STK10: variants seen among roughly 807,000 people sequenced by gnomAD.
STK10 encodes serine/threonine-protein kinase 10.
In STK10, 78 loss-of-function variants were observed where a neutral mutation model predicts 113.8. That is an observed-to-expected ratio of 0.69 (90% CI 0.57 to 0.83). The LOEUF is 0.83. STK10 is among the 40% of genes least tolerant of loss of function. The pLI, the probability that STK10 is intolerant of heterozygous loss-of-function variation, is 0.00. For synonymous variants in STK10, 465 were observed against 494.7 expected, an observed-to-expected ratio of 0.94 and a Z score of 0.80; for missense variants, 1,109 against 1,280.1, an observed-to-expected ratio of 0.87 and a Z score of 2.04.
chr5:172,122,810 A>G (rs1004174637), intron 3 of STK10, among the ~76,000 whole-genome samples: 6 of 152,142 alleles, frequency 3.9e-5, no homozygotes, highest in African/African-American at 1.4e-4. Flanking sequence ...TTTTCAGTAG[A>G]GACGAGGTTT....
chr5:172,117,533 TCG>T lies in STK10; in HGVS notation c.466_467del (p.Asp157SerfsTer18). 6.2e-7 allele frequency: 1 copy of T among 1,613,500 alleles called. No individual in the cohort carries two copies. The highest frequency in any genetic ancestry group is 1.1e-5 in the South Asian group (1 of 91,030). ...TCAGCACGTTGCCAGCTTTCAGATC[TCG>T]GTGGATGATCCTCTTGCTGTGCAGG... Reference protein sequence around the residue: ...NFLHSKRIIHRDLKAGNVLMT... With the variant: ...NFLHSKRIIHXDLKAGNVLMT... On this transcript the variant is annotated frameshift_variant, in exon 4 of 19. Transcript: ENST00000176763. LOFTEE classifies it high-confidence loss of function.
chr5:172,159,913 G>T (rs945774824), intron 1 of STK10, among the ~76,000 whole-genome samples: 1 of 150,114 alleles, frequency 6.7e-6, no homozygotes, highest in Admixed American at 6.6e-5. Context: ...CAAGGTGGGC[G>T]GATCACAAGG....
chr5:172,114,111 CAGA>C (rs1444510490), intron 4 of STK10, among the ~76,000 whole-genome samples: 1 of 151,992 alleles, frequency 6.6e-6, no homozygotes, highest in Non-Finnish European at 1.5e-5. Context: ...AAGTAATGCA[CAGA>C]AGGTCACCCA....
chr5:172,099,472 CAG>C (rs939222375), intron 7 of STK10, among the ~76,000 whole-genome samples: 18 of 152,178 alleles, frequency 1.2e-4, no homozygotes, highest in Non-Finnish European at 2.9e-5. Flanking sequence ...ACCCGGGAGG[CAG>C]AGGTTACAGT....
chr5:172,109,346 C>G (rs570623739), intron 4 of STK10, among the ~76,000 whole-genome samples: 1 of 146,994 alleles, frequency 6.8e-6, no homozygotes, highest in South Asian at 2.1e-4. Context: ...TTTTTCATGA[C>G]AGAGTCCACT....
chr5:172,162,183 A>G lies in STK10; in HGVS notation c.157-5395T>C, dbSNP rs144226950. 2.8e-3 allele frequency among the ~76,000 whole-genome samples: 430 copies of G among 152,070 alleles called. 2 individuals are homozygous for G. The highest frequency in any genetic ancestry group is 2.1e-3 in the Non-Finnish European group (144 of 67,964). ...TGGTAAAACCCCATCTCTACTAAAA[A>G]TACAAAAATTAGCCAGGCAGGGTGG... On this transcript the variant is annotated intron_variant, in intron 1 of 18. Coordinates refer to ENST00000176763, the MANE Select transcript of STK10 (RefSeq NM_005990.4).
intron 1 of STK10, among the ~76,000 whole-genome samples, chr5:172,157,665 A>G (rs1249308790): frequency 6.6e-6 from 1 of 152,042 alleles, no homozygotes; most frequent in African/African-American, 2.4e-5. Flanking sequence ...ATCACTGTTT[A>G]CTGCAGCCTC....
intron 1 of STK10, among the ~76,000 whole-genome samples, chr5:172,164,211 T>TAAAAAAA (rs57573746): frequency 1.2e-5 from 1 of 84,624 alleles, no homozygotes; most frequent in African/African-American, 4.8e-5. Flanking sequence ...AAACTCCATC[T>TAAAAAAA]AAAAAAAAAA....
intron 2 of STK10, among the ~76,000 whole-genome samples, chr5:172,131,678 T>G (rs1769760059): frequency 1.3e-5 from 2 of 152,202 alleles, no homozygotes; most frequent in South Asian, 4.1e-4. Flanking sequence ...AGCTTATCAG[T>G]GGCAGGAGGG....
chr5:172,151,705 T>TTAC (rs1770237978), intron 2 of STK10, among the ~76,000 whole-genome samples: 1 of 152,236 alleles, frequency 6.6e-6, no homozygotes, highest in Non-Finnish European at 1.5e-5. Flanking sequence ...GCGCTGTTAG[T>TTAC]TGTCTCCCAC....
intron 12 of STK10, among the ~76,000 whole-genome samples, chr5:172,080,147 G>A (rs768867174): frequency 6.6e-6 from 1 of 152,034 alleles, no homozygotes; most frequent in Non-Finnish European, 1.5e-5. Flanking sequence ...GAGCTCTGAT[G>A]TTACTCCTGT....
intron 7 of STK10, among the ~76,000 whole-genome samples, chr5:172,097,451 T>G (rs1041285078): frequency 1.1e-4 from 16 of 152,156 alleles, no homozygotes; most frequent in African/African-American, 3.9e-4. Flanking sequence ...GCAACCCCAC[T>G]CCCACGCCGC....
chr5:172,088,380 C>T (rs371043937), intron 10 of STK10, among the ~76,000 whole-genome samples: 5 of 151,890 alleles, frequency 3.3e-5, no homozygotes, highest in East Asian at 1.9e-4. Flanking sequence ...AAAAATTAGC[C>T]GGGCATGGTG....
intron 1 of STK10, among the ~76,000 whole-genome samples, chr5:172,158,169 T>C (rs918895183): frequency 6.6e-6 from 1 of 152,116 alleles, no homozygotes; most frequent in Non-Finnish European, 1.5e-5. Context: ...TTGTGCATTG[T>C]TGGTGGGAAT....
intron 12 of STK10, among the ~76,000 whole-genome samples, chr5:172,080,339 C>CT (rs1166654224): frequency 6.6e-6 from 1 of 152,178 alleles, no homozygotes; most frequent in African/African-American, 2.4e-5. Flanking sequence ...ACAATGGCCT[C>CT]TAAGTGTTCA....
chr5:172,143,831 A>G (rs1021904141), intron 2 of STK10, among the ~76,000 whole-genome samples: 2 of 152,232 alleles, frequency 1.3e-5, no homozygotes, highest in Non-Finnish European at 2.9e-5. Context: ...GTACATCATC[A>G]TAAGTGTTTG....
intron 1 of STK10, among the ~76,000 whole-genome samples, chr5:172,159,461 G>A (rs1770422227): frequency 6.6e-6 from 1 of 152,196 alleles, no homozygotes; most frequent in Non-Finnish European, 1.5e-5. Context: ...AGGATCACTT[G>A]AGCCCAGGAG....
chr5:172,134,792 C>T (rs1381184956), intron 2 of STK10, among the ~76,000 whole-genome samples: 1 of 149,448 alleles, frequency 6.7e-6, no homozygotes, highest in Non-Finnish European at 1.5e-5. Flanking sequence ...GGTATGGTGG[C>T]ACACACCTGT....
chr5:172,151,051 C>A (rs992176427), intron 2 of STK10, among the ~76,000 whole-genome samples: 2 of 152,238 alleles, frequency 1.3e-5, no homozygotes. Context: ...GGCCCCGTGC[C>A]GGGGACCAAA....
Sources: gnomAD v4.1 joint callset for allele counts (sites outside exome capture counted in the v4.1 genomes callset) on GRCh38, gnomAD v4.1.1 for gene constraint, MANE v1.5 for transcripts, NCBI Gene and HGNC (gene_info 2026-07-23, HGNC 2026-07-21) for gene names.